Variants in USP40 observed in about 807,000 individuals in gnomAD.
USP40 encodes the protein ubiquitin carboxyl-terminal hydrolase 40.
USP40 carries 143 observed loss-of-function variants against 166.2 expected under a neutral mutation model. The ratio of observed to expected loss-of-function variants is 0.86; its 90% CI spans 0.75 to 0.99. The LOEUF (loss-of-function observed/expected upper bound fraction) is 0.99, where lower values mean the gene tolerates loss of function less well. Ranked by LOEUF, USP40 falls within the 50% of genes least tolerant of loss-of-function variation. The probability of loss-of-function intolerance (pLI) is 0.00; values close to 1 mark genes in which losing one functional copy is unlikely to be tolerated. For synonymous variants in USP40, 498 were observed against 524.0 expected, an observed-to-expected ratio of 0.95 and a Z score of 0.68; for missense variants, 1,444 against 1,479.7, an observed-to-expected ratio of 0.98 and a Z score of 0.40.
At chr2:233,494,962 A>ATATATATATATATATATATATATATATT (rs2065642542) in intron 24 of USP40, among the ~76,000 whole-genome samples, 2 of 71,382 alleles carry the variant, frequency 2.8e-5, no homozygotes, top group South Asian at 4.3e-4. Context: ...ATATTTATAT[A>ATATATATATATATATATATATATATATT]TATATATATA....
At chr2:233,524,631 G>A (rs541399747) in intron 14 of USP40, 69 bp from the exon 15 acceptor site, 4 of 1,248,520 alleles carry the variant, frequency 3.2e-6, no homozygotes, top group Admixed American at 2.8e-5. Context: ...AGAAAGAGCT[G>A]AGACAAATAT....
intron 26 of USP40, 186 bp downstream of exon 26, chr2:233,490,981 G>C (rs1029406767): frequency 1.4e-6 from 1 of 705,594 alleles, no homozygotes. Flanking sequence ...GACCAGTGAG[G>C]CCACGAGGAG....
chr2:233,538,773 T>C (rs2069127079), intron 10 of USP40, among the ~76,000 whole-genome samples: 1 of 152,172 alleles, frequency 6.6e-6, no homozygotes, highest in Non-Finnish European at 1.5e-5. Flanking sequence ...TCCCAGCACT[T>C]TGGGAGGCCA....
chr2:233,521,128 G>C lies in USP40; in HGVS notation c.2202-14C>G. 2 of 1,601,898 alleles carry C rather than the reference G, an allele frequency of 1.2e-6. No homozygotes were observed. Among genetic ancestry groups the C allele is most frequent in the South Asian group, 2.2e-5 (2 of 89,428 alleles). ...TTGGTCAACAAGCTGTAGGTAAAAA[G>C]AAAAGATCAGAAATTAATACCTTTC... On this transcript the variant is annotated splice_polypyrimidine_tract_variant and intron_variant, in intron 16 of 31. Coordinates refer to ENST00000678225, the MANE Select transcript of USP40 (RefSeq NM_001365479.2).
chr2:233,494,236 C>T (rs1239576267), intron 24 of USP40, among the ~76,000 whole-genome samples: 5 of 151,784 alleles, frequency 3.3e-5, no homozygotes, highest in Non-Finnish European at 7.4e-5. Flanking sequence ...GACCTTCATT[C>T]GATTAAATAA....
intron 22 of USP40, among the ~76,000 whole-genome samples, 171 bp downstream of exon 22, chr2:233,499,708 A>G (rs1163267965): frequency 6.6e-6 from 1 of 152,184 alleles, no homozygotes; most frequent in Non-Finnish European, 1.5e-5. Context: ...GTTTTCTTTC[A>G]GCATGCCAAC....
Position 233,480,370 on chromosome 2 carries a change from G to A in USP40, c.3599+833C>T, listed in dbSNP as rs2125019997. Among the ~76,000 whole-genome samples, 1 of 152,332 alleles carries A rather than the reference G, an allele frequency of 6.6e-6. No homozygotes were observed. The highest frequency in any genetic ancestry group is 1.9e-4 in the East Asian group (1 of 5,184). ...CCCAGAGTCCGTGAGTCGGGGAGTG[G>A]GGGAGGATGAGGACGCCTGGGGGCC... is the stretch of plus-strand genomic sequence containing the variant. On this transcript the variant is annotated intron_variant, in intron 31 of 31. Transcript: ENST00000678225. The surrounding 1 kb of genome is among the most constrained non-coding windows in gnomAD (Gnocchi z 4.5).
chr2:233,496,214 G>C (rs73997633), intron 24 of USP40, among the ~76,000 whole-genome samples: 1 of 152,126 alleles, frequency 6.6e-6, no homozygotes, highest in Non-Finnish European at 1.5e-5. Context: ...TCACTTTTAC[G>C]TGCATCCTCA....
chr2:233,487,918 T>C, intron 28 of USP40: 2 of 569,132 alleles, frequency 3.5e-6, no homozygotes, highest in East Asian at 4.4e-5. Context: ...GATGAATCCG[T>C]TGGATGGCAG....
At position 233,556,894 on chromosome 2, in the gene USP40, C is replaced by T. The variant is rs367965995; in HGVS notation, c.507G>A (p.Gln169=). The T allele has an allele frequency of 6.2e-6, 10 of 1,612,452 alleles. No individual in the cohort carries two copies. The African/African-American group carries it at 1.3e-4, about 22-fold the overall frequency. The change falls in exon 5 of 32, where the codon CAG becomes CAA. Residue 169 remains glutamine, a synonymous_variant. Coordinates refer to ENST00000678225, the MANE Select transcript of USP40 (RefSeq NM_001365479.2). ...YRLYHGTIVN[Q]IVCKECKNVS... is the part of the protein sequence containing the mutation. ...CGTTCTTACATTCTTTACAAACAAT[C>T]TGGTTAACAATGGTTCCATGGTACA...
intron 4 of USP40, among the ~76,000 whole-genome samples, chr2:233,559,481 G>A (rs1315437385): frequency 6.6e-6 from 1 of 152,168 alleles, no homozygotes; most frequent in East Asian, 1.9e-4. Flanking sequence ...CTATATAAAT[G>A]GTAGGTAATC....
chr2:233,530,477 ATTACT>A (rs766790486), intron 11 of USP40, among the ~76,000 whole-genome samples: 10 of 152,230 alleles, frequency 6.6e-5, no homozygotes, highest in Non-Finnish European at 1.2e-4. Context: ...TACAGCTCTG[ATTACT>A]TTAAGACAAA....
At chr2:233,535,920 G>A (rs1318597239) in intron 10 of USP40, among the ~76,000 whole-genome samples, 2 of 152,150 alleles carry the variant, frequency 1.3e-5, no homozygotes, top group Non-Finnish European at 2.9e-5. Context: ...ATAAGTATTT[G>A]AGATGATGGA....
intron 21 of USP40, among the ~76,000 whole-genome samples, chr2:233,503,925 G>A (rs1473651273): frequency 2.6e-5 from 4 of 152,164 alleles, no homozygotes; most frequent in Admixed American, 1.3e-4. Flanking sequence ...CTTCCATGAA[G>A]GTTTAAAGTC....
chr2:233,534,240 T>C (rs887509600), intron 10 of USP40, among the ~76,000 whole-genome samples: 1 of 152,208 alleles, frequency 6.6e-6, no homozygotes, highest in African/African-American at 2.4e-5. Flanking sequence ...TAACCTGGAC[T>C]AAAGTGAATG....
At chr2:233,521,210 G>A (rs753448053) in intron 16 of USP40, 96 bp from the exon 17 acceptor site, 317 of 1,385,116 alleles carry the variant, frequency 2.3e-4, no homozygotes, top group Non-Finnish European at 2.9e-4. Flanking sequence ...AATTAGAGGT[G>A]ACCAAGTTCT....
Position 233,512,638 on chromosome 2 carries a change from A to G in USP40, c.2384-16T>C. ...CTGTTGTCAGCTATATATAAAAGGA[A>G]TATTATTTTTCTTAGAGAGCTAGGA... On this transcript the variant is annotated splice_polypyrimidine_tract_variant and intron_variant, in intron 18 of 31. Transcript: ENST00000678225. 1 of 1,404,628 alleles carries G rather than the reference A, an allele frequency of 7.1e-7. No homozygotes were observed. The highest frequency in any genetic ancestry group is 9.3e-7 in the Non-Finnish European group (1 of 1,073,888). The allele number at this position is 1,404,628 out of a possible 1,614,324, so 87.0% of individuals were successfully genotyped here.
At chr2:233,495,522 A>C (rs1292055071) in intron 24 of USP40, among the ~76,000 whole-genome samples, 2 of 151,960 alleles carry the variant, frequency 1.3e-5, no homozygotes, top group African/African-American at 4.8e-5. Context: ...CTCCTAAAGT[A>C]CTGGAATTAC....
intron 24 of USP40, among the ~76,000 whole-genome samples, chr2:233,494,962 A>ATATATATATT (rs2065641737): frequency 6.0e-4 from 43 of 71,314 alleles, no homozygotes; most frequent in Non-Finnish European, 8.7e-4. Context: ...ATATTTATAT[A>ATATATATATT]TATATATATA....
Sources: allele counts gnomAD v4.1 joint callset (sites outside exome capture counted in the v4.1 genomes callset), GRCh38; gene constraint gnomAD v4.1.1; non-coding constraint Gnocchi (gnomAD v3.1); transcripts MANE v1.5; gene names NCBI Gene and HGNC (gene_info 2026-07-23, HGNC 2026-07-21).